The following PUM2 variants were observed in gnomAD, a reference collection of about 807,000 sequenced individuals.
PUM2 encodes the protein pumilio RNA binding family member 2, also known as pumilio homolog 2.
A neutral mutation model predicts 124.5 loss-of-function variants in PUM2; 57 were observed. The ratio of observed to expected loss-of-function variants is 0.46; its 90% CI spans 0.37 to 0.57. PUM2 has a LOEUF of 0.57. PUM2 is among the 20% of genes least tolerant of loss of function. The pLI is 0.00. For synonymous variants in PUM2, 460 were observed against 446.1 expected (o/e 1.03, Z -0.39); for missense variants, 1,065 against 1,290.6 (o/e 0.83, Z 2.68).
At chr2:20,343,348 C>CACACCACTCCACTCCAGCCTGGGTG (rs1415838256) in intron 1 of PUM2, among the ~76,000 whole-genome samples, 3 of 151,934 alleles carry the variant, frequency 2.0e-5, no homozygotes, top group African/African-American at 7.3e-5. Context: ...GAGTCATGTT[C>CACACCACTCCACTCCAGCCTGGGTG]ACACCACTCC....
Position 20,268,488 on chromosome 2 carries a change from TAC to T in PUM2, c.1958-5030_1958-5029del, listed in dbSNP as rs1572617587. 5.3e-5 allele frequency among the ~76,000 whole-genome samples: 8 copies of T among 152,108 alleles called. No homozygotes were observed. The East Asian group carries it at 1.4e-3, about 26-fold the overall frequency. On this transcript the variant is annotated intron_variant, in intron 13 of 20. Transcript: ENST00000361078. ...AAAAAATTAGCTGGGTGTGGTGGCG[TAC>T]GCCTGTAGTCCCAGCTACTCGGGAG...
chr2:20,308,184 C>G, intron 6 of PUM2, 113 bp from the exon 7 acceptor site: 1 of 1,470,820 alleles, frequency 6.8e-7, no homozygotes, highest in Non-Finnish European at 9.2e-7. Flanking sequence ...TTCTCAAATA[C>G]AGGACACTTT....
At chr2:20,330,583 GC>G (rs2148908220) in intron 1 of PUM2, among the ~76,000 whole-genome samples, 1 of 152,314 alleles carries the variant, frequency 6.6e-6, no homozygotes, top group African/African-American at 2.4e-5. Context: ...AGAGTGGCCT[GC>G]CCCATTCTCC....
At chr2:20,299,132 G>A (rs894120748) in intron 7 of PUM2, among the ~76,000 whole-genome samples, 2 of 152,170 alleles carry the variant, frequency 1.3e-5, no homozygotes, top group African/African-American at 2.4e-5. Flanking sequence ...CCAACTTGAA[G>A]CCAGTCGGTC....
intron 10 of PUM2, among the ~76,000 whole-genome samples, chr2:20,286,709 C>CT (rs1321729529): frequency 9.9e-5 from 15 of 151,884 alleles, no homozygotes; most frequent in East Asian, 5.8e-4. Context: ...TATTCTCTCT[C>CT]TTTTTTTTAG....
rs932038044 is a variant in PUM2, at chr2:20,251,747, T to G, written c.3064-31A>C. 3 of 1,603,932 alleles carry G rather than the reference T, an allele frequency of 1.9e-6. No homozygotes were observed. In the African/African-American group the frequency reaches 4.0e-5, roughly 21 times the overall value. ...AAACAAATAATCTGCTTAGAAAATC[T>G]AAGTCATTTTAGTTTCTGATTTCTT... On this transcript the variant is annotated intron_variant, in intron 20 of 20. Transcript: ENST00000361078.
In PUM2 at chr2:20,250,192, G is replaced by A. The variant is rs1223589070; in HGVS notation, c.*1393C>T. ...TCAATTGAAAGTGATCCAAATTCTAGCAGGTCCATATTAACAGTCAACAAC... is the reference window on the plus strand; with the variant it reads ...TCAATTGAAAGTGATCCAAATTCTAACAGGTCCATATTAACAGTCAACAAC... On this transcript the variant is annotated 3_prime_UTR_variant, in exon 21 of 21. Transcript: ENST00000361078. 2.0e-5 allele frequency: 3 copies of A among 152,478 alleles called. No individual in the cohort carries two copies. Among genetic ancestry groups the A allele is most frequent in the African/African-American group, 7.2e-5 (3 of 41,406 alleles). The allele number at this position is 152,478 out of a possible 1,614,324, so 9.4% of individuals were successfully genotyped here.
chr2:20,290,765 C>T lies in PUM2; in HGVS notation c.1178G>A (p.Arg393His), dbSNP rs567907360. The T allele has an allele frequency of 8.7e-6, 14 of 1,609,060 alleles. No homozygotes were observed. The highest frequency in any genetic ancestry group is 2.2e-5 in the East Asian group (1 of 44,660). Residue 393 changes from arginine (R) to histidine (H), a missense_variant, in exon 10 of 21, where the codon CGT becomes CAT. Arg to His is a conservative substitution (Grantham distance 29, BLOSUM62 0). Transcript: ENST00000361078. ...CTGACCCTGATTGGGAGTAAGAGGACGCTGACCTGCTCCAGCACGGAGAAC... is the reference window on the plus strand; with the variant it reads ...CTGACCCTGATTGGGAGTAAGAGGATGCTGACCTGCTCCAGCACGGAGAAC... ...QQVLRAGAGQ[R>H]PLTPNQGQQG...
intron 20 of PUM2, 143 bp from the exon 21 acceptor site, chr2:20,251,859 A>C: frequency 1.0e-6 from 1 of 984,038 alleles, no homozygotes; most frequent in Non-Finnish European, 1.5e-6. Flanking sequence ...TTTTTGCAAA[A>C]GCAGTTGTGA....
intron 9 of PUM2, among the ~76,000 whole-genome samples, chr2:20,292,412 G>A (rs951256213): frequency 6.6e-6 from 1 of 151,850 alleles, no homozygotes; most frequent in Non-Finnish European, 1.5e-5. Flanking sequence ...ACACAGGCTG[G>A]AGTGCAATGG....
At chr2:20,281,649 G>A (rs751186620) in intron 12 of PUM2, among the ~76,000 whole-genome samples, 3 of 152,056 alleles carry the variant, frequency 2.0e-5, no homozygotes, top group Non-Finnish European at 2.9e-5. Context: ...TGCGTGAGGT[G>A]GACAAAGAGA....
rs532343152 is a variant in PUM2, at chr2:20,311,859, G to C, written c.349-196C>G. Among the ~76,000 whole-genome samples, 6 of 152,218 alleles carry C rather than the reference G, an allele frequency of 3.9e-5. No homozygotes were observed. In the East Asian group the frequency reaches 1.2e-3, roughly 29 times the overall value. ...AGTGATTTATAACAGAAGGGCTAAG[G>C]CAACCTTAACTATAGCGGTGCTGGA... On this transcript the variant is annotated intron_variant, in intron 4 of 20. Coordinates refer to ENST00000361078, the MANE Select transcript of PUM2 (RefSeq NM_015317.5).
chr2:20,261,564 A>G (rs1407248973), intron 14 of PUM2, among the ~76,000 whole-genome samples: 1 of 151,430 alleles, frequency 6.6e-6, no homozygotes, highest in Non-Finnish European at 1.5e-5. Flanking sequence ...ACCCTCAGGT[A>G]GATTTCAGAA....
At chr2:20,323,147 C>T (rs1476765848) in intron 2 of PUM2, among the ~76,000 whole-genome samples, 3 of 152,072 alleles carry the variant, frequency 2.0e-5, no homozygotes, top group Non-Finnish European at 4.4e-5. Context: ...CATCTATAAA[C>T]TGCACGGAAT....
intron 1 of PUM2, among the ~76,000 whole-genome samples, chr2:20,348,174 A>G (rs1688609330): frequency 6.6e-6 from 1 of 151,168 alleles, no homozygotes; most frequent in Admixed American, 6.6e-5. Context: ...AATTAATAAT[A>G]ATAATAATAA....
chr2:20,333,118 A>C (rs1013103530), intron 1 of PUM2: 1 of 152,220 alleles, frequency 6.6e-6, no homozygotes, highest in Non-Finnish European at 1.5e-5. Flanking sequence ...AAATTTTAAC[A>C]ATATTAGCTA....
intron 10 of PUM2, 64 bp downstream of exon 10, chr2:20,290,588 G>A: frequency 1.4e-6 from 2 of 1,470,820 alleles, no homozygotes; most frequent in Middle Eastern, 1.8e-4. Context: ...TCACTCTTCA[G>A]TGTGAGTACC....
intron 9 of PUM2, among the ~76,000 whole-genome samples, chr2:20,292,054 C>G (rs1305281504): frequency 6.7e-6 from 1 of 150,124 alleles, no homozygotes; most frequent in African/African-American, 2.5e-5. Context: ...GGTATGCAGT[C>G]TTCTGGCTTA....
intron 1 of PUM2, among the ~76,000 whole-genome samples, chr2:20,336,719 C>T (rs1420200682): frequency 5.9e-5 from 6 of 101,746 alleles, no homozygotes; most frequent in Non-Finnish European, 1.1e-4. Flanking sequence ...GTGTTACAGA[C>T]GGGGTCTCAC....
Sources: gnomAD v4.1 joint callset for allele counts (sites outside exome capture counted in the v4.1 genomes callset) on GRCh38, gnomAD v4.1.1 for gene constraint, MANE v1.5 for transcripts, NCBI Gene and HGNC (gene_info 2026-07-23, HGNC 2026-07-21) for gene names.